The following PDZD9 variants were observed in gnomAD, a reference collection of about 807,000 sequenced individuals.
PDZD9 encodes PDZ domain containing 9.
In PDZD9, 13 loss-of-function variants were observed where a neutral mutation model predicts 16.3. That is an observed-to-expected ratio of 0.80 (90% CI 0.52 to 1.27). The LOEUF (loss-of-function observed/expected upper bound fraction) is 1.27, where lower values mean the gene tolerates loss of function less well. Among genes scored for constraint, PDZD9 ranks in the 50% most tolerant of loss-of-function variants. The pLI is 0.00. For synonymous variants in PDZD9, 120 were observed against 111.0 expected (o/e 1.08, Z -0.51); for missense variants, 288 against 310.9 (o/e 0.93, Z 0.55).
intron 2 of PDZD9, 67 bp from the exon 3 acceptor site, chr16:21,988,858 T>C: frequency 7.5e-7 from 1 of 1,329,168 alleles, no homozygotes; most frequent in South Asian, 1.4e-5. Flanking sequence ...GATTTCTGGC[T>C]TTATTGTGAG....
chr16:21,964,579 T>C, the PDZD9 span, among the ~76,000 whole-genome samples: 4 of 152,338 alleles, frequency 2.6e-5, no homozygotes, highest in South Asian at 8.3e-4. Flanking sequence ...GCCTTTGTTT[T>C]GTCTGCTTCC....
the PDZD9 span, chr16:21,959,584 T>G: frequency 6.5e-6 from 1 of 153,104 alleles, no homozygotes; most frequent in African/African-American, 2.4e-5. Context: ...CAAACTCACG[T>G]TAATGTTGAT....
At chr16:21,978,378 G>A in the PDZD9 span, among the ~76,000 whole-genome samples, 21 of 152,254 alleles carry the variant, frequency 1.4e-4, no homozygotes, top group East Asian at 3.5e-3. Context: ...CAAATAACTC[G>A]ACTGTCTTAT....
the PDZD9 span, among the ~76,000 whole-genome samples, chr16:21,975,363 A>C: frequency 6.6e-6 from 1 of 152,104 alleles, no homozygotes; most frequent in African/African-American, 2.4e-5. Flanking sequence ...GGGGTCTTAG[A>C]ATTGAGGGCT....
At chr16:21,996,555 C>T in intron 1 of PDZD9, 54 bp from the exon 2 acceptor site, 1 of 1,458,832 alleles carries the variant, frequency 6.9e-7, no homozygotes, top group South Asian at 1.3e-5. Context: ...GAAGCATGGC[C>T]ATACCTACTG....
Position 21,984,483 on chromosome 16 carries a change from G to A in PDZD9, c.579C>T (p.Asn193=), listed in dbSNP as rs766785884. The A allele has an allele frequency of 6.2e-7, 1 of 1,611,608 alleles. No individual in the cohort carries two copies. Among genetic ancestry groups the A allele is most frequent in the South Asian group, 1.1e-5 (1 of 91,008 alleles). The change falls in exon 4 of 4, where the codon AAC becomes AAT. Residue 193 remains asparagine (N), a synonymous_variant. Coordinates refer to ENST00000424898, the MANE Select transcript of PDZD9 (RefSeq NM_001363519.1). ...SRDWHGYKKK[N]HTISVGKDIN... is the part of the protein sequence containing the mutation. ...TGTCTTTTCCTACACTAATAGTATGGTTCTTCTTCTTATATCCATGCCAGT... is the reference window on the plus strand; with the variant it reads ...TGTCTTTTCCTACACTAATAGTATGATTCTTCTTCTTATATCCATGCCAGT...
At chr16:22,000,948 A>T (rs1899285438) in intron 1 of PDZD9, 69 bp downstream of exon 1, 2 of 1,482,754 alleles carry the variant, frequency 1.3e-6, no homozygotes, top group South Asian at 2.5e-5. Flanking sequence ...TTGCCATTTT[A>T]CAGAGGAGGA....
chr16:21,982,234 GTAATAAGA>G (rs887554063), downstream of PDZD9, among the ~76,000 whole-genome samples: 3 of 152,042 alleles, frequency 2.0e-5, no homozygotes, highest in African/African-American at 7.3e-5. Flanking sequence ...CTCCTTCATA[GTAATAAGA>G]TAAGCTGGCC....
intron 1 of PDZD9, among the ~76,000 whole-genome samples, chr16:21,997,599 A>T (rs1260885843): frequency 5.3e-5 from 8 of 152,172 alleles, no homozygotes; most frequent in African/African-American, 1.9e-4. Flanking sequence ...TGAGCAGTGG[A>T]TGGATCCAAA....
At chr16:22,000,265 T>C (rs1036018494) in intron 1 of PDZD9, among the ~76,000 whole-genome samples, 1 of 151,470 alleles carries the variant, frequency 6.6e-6, no homozygotes, top group Non-Finnish European at 1.5e-5. Flanking sequence ...TTAATAAAAA[T>C]GAAAGGGCCA....
chr16:21,999,633 A>G (rs1899240875), intron 1 of PDZD9: 2 of 152,270 alleles, frequency 1.3e-5, no homozygotes, highest in Non-Finnish European at 2.9e-5. Context: ...AAAAAGCCAT[A>G]AAGAACAAGA....
At chr16:21,989,103 T>G (rs1898960885) in intron 2 of PDZD9, among the ~76,000 whole-genome samples, 2 of 151,846 alleles carry the variant, frequency 1.3e-5, no homozygotes, top group South Asian at 2.1e-4. Flanking sequence ...TAATTTTGTT[T>G]TTTTTTTTTA....
At chr16:21,966,322 G>T in the PDZD9 span, among the ~76,000 whole-genome samples, 1 of 152,042 alleles carries the variant, frequency 6.6e-6, no homozygotes, top group Admixed American at 6.6e-5. Context: ...GCCTCCGTTT[G>T]CTGGCTATAG....
the PDZD9 span, chr16:21,958,652 T>A: frequency 6.7e-7 from 1 of 1,499,896 alleles, no homozygotes; most frequent in Non-Finnish European, 9.2e-7. Flanking sequence ...ATATTCAATT[T>A]TAAGGGAACT....
intron 1 of PDZD9, chr16:21,999,655 CA>C (rs1327133363): frequency 6.6e-6 from 1 of 152,338 alleles, no homozygotes; most frequent in Non-Finnish European, 1.5e-5. Flanking sequence ...TTGCTCAGTG[CA>C]GGAGTCTGCA....
chr16:21,999,217 T>C (rs1261575470), intron 1 of PDZD9: 1 of 194,080 alleles, frequency 5.2e-6, no homozygotes, highest in African/African-American at 2.3e-5. Context: ...CTATTAGACA[T>C]GAAACCTGAG....
chr16:21,976,624 C>G, the PDZD9 span: 1 of 168,572 alleles, frequency 5.9e-6, no homozygotes, highest in East Asian at 1.7e-4. Flanking sequence ...TGCTGCTTGA[C>G]TTACACTGGG....
intron 3 of PDZD9, among the ~76,000 whole-genome samples, chr16:21,985,122 A>G (rs1229983058): frequency 6.6e-6 from 1 of 151,828 alleles, no homozygotes; most frequent in Non-Finnish European, 1.5e-5. Flanking sequence ...TAAGTCTTAG[A>G]GTCTTTTTTT....
At chr16:21,988,483 G>T in intron 3 of PDZD9, 119 bp downstream of exon 3, 1 of 817,248 alleles carries the variant, frequency 1.2e-6, no homozygotes, top group Non-Finnish European at 1.9e-6. Context: ...CTCTGACAGT[G>T]TCACCAGTCC....
Sources: gnomAD v4.1 joint callset for allele counts (sites outside exome capture counted in the v4.1 genomes callset) on GRCh38, gnomAD v4.1.1 for gene constraint, MANE v1.5 for transcripts, NCBI Gene and HGNC (gene_info 2026-07-23, HGNC 2026-07-21) for gene names.